The following CERS6 variants were observed in gnomAD, a reference collection of about 807,000 sequenced individuals.
The protein encoded by CERS6 is LAG1 homolog, ceramide synthase 6.
In CERS6, 26 loss-of-function variants were observed where a neutral mutation model predicts 56.8. The ratio of observed to expected loss-of-function variants is 0.46; its 90% CI spans 0.34 to 0.63. The LOEUF (loss-of-function observed/expected upper bound fraction) is 0.63. Among genes scored for constraint, CERS6 ranks in the 30% least tolerant of loss-of-function variants. The probability of loss-of-function intolerance (pLI) is 0.01; values close to 1 mark genes in which losing one functional copy is unlikely to be tolerated. For synonymous variants in CERS6, 164 were observed against 173.3 expected (o/e 0.95, Z 0.42); for missense variants, 415 against 467.5 (o/e 0.89, Z 1.04).
intron 8 of CERS6, among the ~76,000 whole-genome samples, chr2:168,745,400 C>T (rs1198459253): frequency 6.6e-6 from 1 of 152,066 alleles, no homozygotes; most frequent in Non-Finnish European, 1.5e-5. Flanking sequence ...CACCACCACG[C>T]CTAGCTAATT....
At chr2:168,674,562 A>G (rs1026978320) in intron 4 of CERS6, among the ~76,000 whole-genome samples, 2 of 152,344 alleles carry the variant, frequency 1.3e-5, no homozygotes. Context: ...TTTGGCAAAT[A>G]TATTTGAAGG....
In CERS6 at chr2:168,485,702, A is replaced by G. The variant is rs758311356; in HGVS notation, c.170+29084A>G. ...ATAATTCATTTTGTATGGCTGAGTA[A>G]TATTCCACCTTATAGATAAACAAGT... On this transcript the variant is annotated intron_variant, in intron 1 of 9. Transcript: ENST00000305747. Among the ~76,000 whole-genome samples the G allele has an allele frequency of 2.1e-4, 32 of 152,192 alleles. 1 individual carries two copies. Among genetic ancestry groups the G allele is most frequent in the Non-Finnish European group, 2.9e-5 (2 of 68,020 alleles).
intron 3 of CERS6, among the ~76,000 whole-genome samples, chr2:168,565,821 A>G (rs562674555): frequency 6.6e-6 from 1 of 152,332 alleles, no homozygotes; most frequent in East Asian, 1.9e-4. Flanking sequence ...CTTATTGGCA[A>G]CTGAAATAGA....
At chr2:168,759,894 TG>T (rs1684521299) in intron 8 of CERS6, among the ~76,000 whole-genome samples, 1 of 151,600 alleles carries the variant, frequency 6.6e-6, no homozygotes, top group Non-Finnish European at 1.5e-5. Context: ...GTACGTTGTG[TG>T]TGTTTTTTTT....
intron 8 of CERS6, among the ~76,000 whole-genome samples, chr2:168,752,811 A>G (rs1684313254): frequency 6.6e-6 from 1 of 152,138 alleles, no homozygotes; most frequent in African/African-American, 2.4e-5. Context: ...TTCCTTCCCA[A>G]AGATGGGATC....
At chr2:168,567,399 T>C (rs1695902868) in intron 3 of CERS6, among the ~76,000 whole-genome samples, 1 of 152,244 alleles carries the variant, frequency 6.6e-6, no homozygotes, top group Non-Finnish European at 1.5e-5. Context: ...TTAGATCATA[T>C]GGACTTTGTT....
chr2:168,766,407 A>G (rs1165080868), intron 9 of CERS6: 2 of 1,417,428 alleles, frequency 1.4e-6, no homozygotes, highest in Non-Finnish European at 2.0e-6. Context: ...TTGGAGGGGC[A>G]CTCAGATGCT....
At chr2:168,609,662 G>A (rs1263468225) in intron 3 of CERS6, among the ~76,000 whole-genome samples, 1 of 152,096 alleles carries the variant, frequency 6.6e-6, no homozygotes, top group Admixed American at 6.5e-5. Flanking sequence ...TCCCTGCTCT[G>A]TGTTACCCTA....
At chr2:168,692,663 C>A (rs1204340153) in intron 5 of CERS6, among the ~76,000 whole-genome samples, 1 of 152,032 alleles carries the variant, frequency 6.6e-6, no homozygotes, top group Admixed American at 6.6e-5. Context: ...GCATATAGCC[C>A]CCAAAATGTA....
intron 4 of CERS6, among the ~76,000 whole-genome samples, chr2:168,632,834 G>A (rs1271520004): frequency 6.6e-6 from 1 of 152,038 alleles, no homozygotes; most frequent in Non-Finnish European, 1.5e-5. Flanking sequence ...TGTTGGTGAG[G>A]GGCTTTGTTG....
At chr2:168,535,695 G>A (rs1372764941) in intron 1 of CERS6, among the ~76,000 whole-genome samples, 2 of 141,036 alleles carry the variant, frequency 1.4e-5, no homozygotes, top group Non-Finnish European at 3.1e-5. Flanking sequence ...TTTTGAATGA[G>A]GATGACCATC....
At chr2:168,687,518 A>G (rs1179633543) in intron 4 of CERS6, among the ~76,000 whole-genome samples, 1 of 152,132 alleles carries the variant, frequency 6.6e-6, no homozygotes, top group African/African-American at 2.4e-5. Context: ...CTGAGCTGGC[A>G]TGTTCTTTTA....
intron 4 of CERS6, among the ~76,000 whole-genome samples, chr2:168,634,242 C>A (rs1056223313): frequency 6.6e-6 from 1 of 152,190 alleles, no homozygotes; most frequent in African/African-American, 2.4e-5. Context: ...ATAAGAGAGT[C>A]TGCTCATACT....
chr2:168,718,000 C>T, intron 8 of CERS6, 22 bp downstream of exon 8: 1 of 1,496,322 alleles, frequency 6.7e-7, no homozygotes, highest in South Asian at 1.2e-5. Flanking sequence ...AGTCTCCTTC[C>T]TGATAGAGCC....
At chr2:168,507,189 T>C (rs1239368115) in intron 1 of CERS6, among the ~76,000 whole-genome samples, 1 of 152,294 alleles carries the variant, frequency 6.6e-6, no homozygotes, top group East Asian at 1.9e-4. Context: ...AACCAGTATA[T>C]ACAACACTCC....
chr2:168,639,013 C>G (rs149223606), intron 4 of CERS6, among the ~76,000 whole-genome samples: 308 of 152,068 alleles, frequency 2.0e-3, no homozygotes, highest in African/African-American at 7.0e-3. Context: ...CACTTGATAA[C>G]ATAGCAACTT....
intron 3 of CERS6, among the ~76,000 whole-genome samples, chr2:168,614,381 A>G (rs986781257): frequency 6.6e-6 from 1 of 152,240 alleles, no homozygotes; most frequent in Non-Finnish European, 1.5e-5. Flanking sequence ...GAGATGAGGC[A>G]TGATTTTAAA....
chr2:168,637,994 A>G (rs1348006194), intron 4 of CERS6, among the ~76,000 whole-genome samples: 1 of 152,216 alleles, frequency 6.6e-6, no homozygotes, highest in Non-Finnish European at 1.5e-5. Context: ...TGTGAATTTT[A>G]AAGAGGAGGA....
Position 168,456,374 on chromosome 2 carries a change from G to A in CERS6, c.-75G>A. 6 of 1,215,894 alleles carry A rather than the reference G, an allele frequency of 4.9e-6. No individual in the cohort carries two copies. Among genetic ancestry groups the A allele is most frequent in the Non-Finnish European group, 6.5e-6 (6 of 918,556 alleles). The allele number at this position is 1,215,894 out of a possible 1,614,324, so 75.3% of individuals were successfully genotyped here. The stretch of plus-strand genomic sequence containing the variant: ...CACAGGCTCGGGGCCAGCCGGGCGC[G>A]CATCCCCGGGCGCCCTGCGCGGTGG... On this transcript the variant is annotated 5_prime_UTR_variant, in exon 1 of 10. Coordinates refer to ENST00000305747, the MANE Select transcript of CERS6 (RefSeq NM_203463.3). The surrounding 1 kb of genome is among the most constrained non-coding windows in gnomAD (Gnocchi z 4.1).
Sources: gnomAD v4.1 joint callset for allele counts (sites outside exome capture counted in the v4.1 genomes callset) on GRCh38, gnomAD v4.1.1 for gene constraint, Gnocchi (gnomAD v3.1) non-coding constraint, MANE v1.5 for transcripts, NCBI Gene and HGNC (gene_info 2026-07-23, HGNC 2026-07-21) for gene names.